The following MEI1 variants were observed in gnomAD, a reference collection of about 807,000 sequenced individuals.
MEI1 encodes the protein meiosis inhibitor protein 1.
Under a neutral mutation model 146.2 loss-of-function variants are expected in MEI1, and 103 were observed. The ratio of observed to expected loss-of-function variants is 0.70; its 90% CI spans 0.60 to 0.83. The LOEUF (loss-of-function observed/expected upper bound fraction) is 0.83. Among genes scored for constraint, MEI1 ranks in the 40% least tolerant of loss-of-function variants. The pLI is 0.00. For synonymous variants in MEI1, 652 were observed against 628.2 expected (o/e 1.04, Z -0.57); for missense variants, 1,529 against 1,533.0 (o/e 1.00, Z 0.04).
At chr22:41,796,467 T>G (rs929381104) in intron 30 of MEI1, among the ~76,000 whole-genome samples, 2 of 151,962 alleles carry the variant, frequency 1.3e-5, no homozygotes, top group Non-Finnish European at 2.9e-5. Context: ...GTGCTGGGAT[T>G]ACAGGCATGA....
intron 30 of MEI1, among the ~76,000 whole-genome samples, chr22:41,798,805 T>A (rs185747164): frequency 1.3e-5 from 2 of 150,808 alleles, no homozygotes; most frequent in East Asian, 2.0e-4. Flanking sequence ...GAGGTGGAGA[T>A]TGCAGTGACC....
chr22:41,722,156 C>G (rs561934880), intron 6 of MEI1: 2 of 151,964 alleles, frequency 1.3e-5, no homozygotes, highest in East Asian at 3.9e-4. Context: ...TTCTCTGGAG[C>G]CTTTCCTTCC....
chr22:41,745,846 A>G, intron 13 of MEI1, 39 bp from the exon 14 acceptor site: 1 of 1,555,268 alleles, frequency 6.4e-7, no homozygotes, highest in African/African-American at 1.4e-5. Flanking sequence ...TTTAGGTTGC[A>G]TAGGTGGTAG....
intron 18 of MEI1, among the ~76,000 whole-genome samples, 179 bp from the exon 19 acceptor site, chr22:41,762,995 G>C (rs1294115719): frequency 6.6e-6 from 1 of 152,170 alleles, no homozygotes; most frequent in East Asian, 1.9e-4. Flanking sequence ...ACAATGTGAT[G>C]TATATATATG....
chr22:41,724,510 C>T (rs2147473026), intron 7 of MEI1, among the ~76,000 whole-genome samples: 1 of 151,492 alleles, frequency 6.6e-6, no homozygotes, highest in South Asian at 2.1e-4. Flanking sequence ...CCCAGCTACT[C>T]GGGATGCTGA....
intron 3 of MEI1, among the ~76,000 whole-genome samples, chr22:41,707,618 G>A (rs142099534): frequency 1.3e-5 from 2 of 152,190 alleles, no homozygotes; most frequent in East Asian, 3.9e-4. Context: ...AGTCCAACAT[G>A]GGCAACATAG....
At chr22:41,783,572 G>A (rs140842820) in intron 24 of MEI1, among the ~76,000 whole-genome samples, 2,274 of 152,334 alleles carry the variant, frequency 0.015, 27 homozygotes, top group Non-Finnish European at 0.024. Context: ...GATTATAGGC[G>A]TGAGCCACTG....
chr22:41,719,137 C>T (rs2070500603), intron 6 of MEI1, among the ~76,000 whole-genome samples: 1 of 152,060 alleles, frequency 6.6e-6, no homozygotes, highest in African/African-American at 2.4e-5. Context: ...CGCCTGCCAC[C>T]ATGCCCAGCT....
At chr22:41,746,079 GC>G in intron 14 of MEI1, 53 bp downstream of exon 14, 1 of 1,504,730 alleles carries the variant, frequency 6.6e-7, no homozygotes, top group Non-Finnish European at 9.0e-7. Context: ...AGAAGAATGT[GC>G]AGGCGAGCCA....
chr22:41,772,658 G>T (rs1448812425), intron 20 of MEI1, among the ~76,000 whole-genome samples: 1 of 152,142 alleles, frequency 6.6e-6, no homozygotes, highest in South Asian at 2.1e-4. Context: ...TAGGCTTAGA[G>T]AGATTTGCCC....
intron 19 of MEI1, among the ~76,000 whole-genome samples, chr22:41,769,405 A>G (rs1245977414): frequency 6.6e-6 from 1 of 152,236 alleles, no homozygotes; most frequent in East Asian, 1.9e-4. Flanking sequence ...CATACACAAA[A>G]ATGAACTCAC....
chr22:41,780,451 T>C (rs1406282754), intron 22 of MEI1, among the ~76,000 whole-genome samples: 1 of 152,110 alleles, frequency 6.6e-6, no homozygotes, highest in African/African-American at 2.4e-5. Flanking sequence ...GGATATGTTC[T>C]ATAGATATCT....
rs147368716 is a variant in MEI1 at position 41,734,627 on chromosome 22, G to T, written c.1331+2024G>T. Reference sequence around the variant, plus strand: ...ACAAACAAACAATGGAATGTAAATAGTTGTCATGCTGTATTTAAAATTTTT... The same window carrying T: ...ACAAACAAACAATGGAATGTAAATATTTGTCATGCTGTATTTAAAATTTTT... On this transcript the variant is annotated intron_variant, in intron 11 of 30. Transcript: ENST00000401548. Among the ~76,000 whole-genome samples the T allele has an allele frequency of 1.4e-3, 220 of 152,248 alleles. 1 individual carries two copies. The highest frequency in any genetic ancestry group is 5.2e-3 in the African/African-American group (215 of 41,546).
chr22:41,729,716 A>T lies in MEI1; in HGVS notation c.916A>T (p.Thr306Ser). The change falls in exon 8 of 31, where the codon ACT becomes TCT. Residue 306 changes from threonine to serine, a missense_variant. By Grantham distance (58) the Thr-to-Ser change is moderately conservative. Transcript: ENST00000401548. ...TLQVASAHCI[T>S]AVLVHSPAKH... Reference sequence around the variant, plus strand: ...GCAGGTGGCCAGTGCTCACTGTATAACTGCGGTGCTTGTCCACTCCCCAGC... The same window carrying T: ...GCAGGTGGCCAGTGCTCACTGTATATCTGCGGTGCTTGTCCACTCCCCAGC... 1 of 1,612,288 alleles carries T rather than the reference A, an allele frequency of 6.2e-7. No homozygotes were observed. Among genetic ancestry groups the T allele is most frequent in the East Asian group, 2.2e-5 (1 of 44,858 alleles).
In MEI1 at chr22:41,729,638, G is replaced by C. The variant is rs201481793; in HGVS notation, c.865-27G>C. On this transcript the variant is annotated intron_variant, in intron 7 of 30. Coordinates refer to ENST00000401548, the MANE Select transcript of MEI1 (RefSeq NM_152513.4). The stretch of plus-strand genomic sequence containing the variant: ...CTGGTCCTATTCGTGGTGTGACTGG[G>C]GTACTTTTTGCTGCCTGTTTCTCCA... The C allele has an allele frequency of 2.8e-4, 418 of 1,475,236 alleles. 10 individuals are homozygous for C. In the South Asian group the frequency reaches 4.7e-3, roughly 16 times the overall value. 91.4% of individuals were successfully genotyped at this position (1,475,236 alleles called of 1,614,324 possible).
intron 18 of MEI1, 118 bp from the exon 19 acceptor site, chr22:41,763,056 G>C: frequency 9.7e-7 from 1 of 1,032,390 alleles, no homozygotes. Flanking sequence ...GATGTCATTA[G>C]GCTGTGGGCA....
intron 11 of MEI1, among the ~76,000 whole-genome samples, chr22:41,737,800 C>T (rs2147676441): frequency 6.6e-6 from 1 of 152,212 alleles, no homozygotes; most frequent in South Asian, 2.1e-4. Flanking sequence ...CTGTCTCTGG[C>T]TCCTCATAGG....
intron 20 of MEI1, among the ~76,000 whole-genome samples, chr22:41,775,034 T>C (rs1309860117): frequency 6.6e-6 from 1 of 152,182 alleles, no homozygotes; most frequent in Non-Finnish European, 1.5e-5. Flanking sequence ...TTCATAACCC[T>C]CAGTCCTAAC....
intron 20 of MEI1, among the ~76,000 whole-genome samples, chr22:41,775,838 C>T (rs898364096): frequency 5.9e-5 from 9 of 152,100 alleles, no homozygotes; most frequent in African/African-American, 9.7e-5. Flanking sequence ...TCGTGATCCA[C>T]CCGCCTTGGC....
Sources: gnomAD v4.1 joint callset for allele counts (sites outside exome capture counted in the v4.1 genomes callset) on GRCh38, gnomAD v4.1.1 for gene constraint, MANE v1.5 for transcripts, NCBI Gene and HGNC (gene_info 2026-07-23, HGNC 2026-07-21) for gene names.